The following LPAR1 variants were observed in gnomAD, a reference collection of about 807,000 sequenced individuals.
LPAR1 encodes the protein LPA receptor 1.
In LPAR1, 5 loss-of-function variants were observed where a neutral mutation model predicts 23.8. That is an observed-to-expected ratio of 0.21 (90% CI 0.11 to 0.44). The LOEUF (loss-of-function observed/expected upper bound fraction) is 0.44. Among genes scored for constraint, LPAR1 ranks in the 20% least tolerant of loss-of-function variants. The probability of loss-of-function intolerance (pLI) is 0.99; values close to 1 mark genes in which losing one functional copy is unlikely to be tolerated. For missense variants in LPAR1, 311 were observed against 482.8 expected (o/e 0.64, Z 3.33); for synonymous variants, 160 against 164.7 (o/e 0.97, Z 0.22).
intron 2 of LPAR1, among the ~76,000 whole-genome samples, chr9:110,973,919 T>C (rs2096490397): frequency 6.6e-6 from 1 of 152,198 alleles, no homozygotes. Flanking sequence ...GCCTGTAATC[T>C]CAAAACTTTG....
In LPAR1 at chr9:111,038,376, G is replaced by A. The variant is rs2097940304; in HGVS notation, c.-471C>T. ...GCGGCGGGGAGGGCTCCGCGGCTCC[G>A]GGCCCTGGCCGCCCCAGATCCGGCC... On this transcript the variant is annotated 5_prime_UTR_variant, in exon 1 of 6. Coordinates refer to ENST00000683809, the MANE Select transcript of LPAR1 (RefSeq NM_001351411.2). The surrounding 1 kb of genome is among the most constrained non-coding windows in gnomAD (Gnocchi z 4.4). 5.7e-6 allele frequency: 1 copy of A among 175,438 alleles called. No homozygotes were observed. Among genetic ancestry groups the A allele is most frequent in the Non-Finnish European group, 1.2e-5 (1 of 82,586 alleles). 10.9% of individuals were successfully genotyped at this position (175,438 alleles called of 1,614,324 possible).
intron 2 of LPAR1, among the ~76,000 whole-genome samples, chr9:111,011,218 G>A (rs927890206): frequency 7.9e-5 from 12 of 152,256 alleles, no homozygotes; most frequent in Non-Finnish European, 7.4e-5. Context: ...CCTCGAATTC[G>A]TGTAGAGTGT....
intron 2 of LPAR1, among the ~76,000 whole-genome samples, chr9:111,008,513 G>A (rs536352932): frequency 1.3e-5 from 2 of 152,160 alleles, no homozygotes; most frequent in Non-Finnish European, 1.5e-5. Context: ...CTTGAGTTTT[G>A]GCTTTTAAAA....
intron 2 of LPAR1, among the ~76,000 whole-genome samples, chr9:110,988,917 T>C (rs1249829971): frequency 6.6e-6 from 1 of 152,086 alleles, no homozygotes; most frequent in Non-Finnish European, 1.5e-5. Flanking sequence ...TAAAGTTAAA[T>C]ATGGTATTTT....
chr9:111,017,318 T>G (rs1009133594), intron 2 of LPAR1, among the ~76,000 whole-genome samples: 1 of 152,204 alleles, frequency 6.6e-6, no homozygotes, highest in Non-Finnish European at 1.5e-5. Flanking sequence ...AACATTGCAT[T>G]TATCACATGG....
At chr9:110,983,787 A>G (rs923116611) in intron 2 of LPAR1, among the ~76,000 whole-genome samples, 2 of 152,064 alleles carry the variant, frequency 1.3e-5, no homozygotes, top group African/African-American at 4.8e-5. Flanking sequence ...TGGGGAAAAT[A>G]AATCAAATCA....
intron 5 of LPAR1, among the ~76,000 whole-genome samples, chr9:110,931,778 A>T (rs1466971682): frequency 3.3e-5 from 5 of 152,132 alleles, no homozygotes; most frequent in African/African-American, 7.2e-5. Context: ...TTAAATAGGG[A>T]ATTGTTTCCC....
chr9:110,989,907 G>T (rs987822787), intron 2 of LPAR1, among the ~76,000 whole-genome samples: 1 of 151,814 alleles, frequency 6.6e-6, no homozygotes, highest in Non-Finnish European at 1.5e-5. Context: ...ATAAAAAAAC[G>T]AAATACCCAG....
chr9:110,995,313 TA>T (rs1007608739), intron 2 of LPAR1, among the ~76,000 whole-genome samples: 3 of 152,066 alleles, frequency 2.0e-5, no homozygotes, highest in East Asian at 1.9e-4. Flanking sequence ...GATAAAAGCT[TA>T]AAAAAAATCA....
intron 2 of LPAR1, among the ~76,000 whole-genome samples, chr9:111,021,199 G>A (rs970813151): frequency 6.6e-6 from 1 of 152,050 alleles, no homozygotes; most frequent in Non-Finnish European, 1.5e-5. Flanking sequence ...TAAGTTCTGG[G>A]GATCTAACGT....
chr9:110,886,208 A>C (rs1388061035), intron 5 of LPAR1, among the ~76,000 whole-genome samples: 1 of 151,334 alleles, frequency 6.6e-6, no homozygotes, highest in Non-Finnish European at 1.5e-5. Context: ...CAAAAAAAAA[A>C]AAAAATTTAG....
intron 5 of LPAR1, among the ~76,000 whole-genome samples, chr9:110,906,952 T>C (rs1324898882): frequency 7.1e-6 from 1 of 141,054 alleles, no homozygotes; most frequent in African/African-American, 2.5e-5. Context: ...GGATTCAGAT[T>C]AACATTTTAA....
intron 2 of LPAR1, among the ~76,000 whole-genome samples, chr9:110,998,224 C>A (rs1055387719): frequency 6.6e-6 from 1 of 152,142 alleles, no homozygotes; most frequent in Admixed American, 6.6e-5. Context: ...TAAAATAATA[C>A]ATAATTCAAG....
chr9:110,986,797 A>G (rs550766609), intron 2 of LPAR1, among the ~76,000 whole-genome samples: 1 of 152,186 alleles, frequency 6.6e-6, no homozygotes, highest in South Asian at 2.1e-4. Context: ...CTTAACAGAG[A>G]CATCTTCCAT....
intron 5 of LPAR1, among the ~76,000 whole-genome samples, chr9:110,898,966 T>C (rs1263160453): frequency 5.9e-5 from 9 of 152,224 alleles, no homozygotes; most frequent in African/African-American, 2.2e-4. Flanking sequence ...AAGTAACAGA[T>C]TTTGATAAAT....
rs146687341 is a variant in LPAR1 at position 110,970,962 on chromosome 9, C to T, written c.45+1111G>A. Among the ~76,000 whole-genome samples, 123 of 152,122 alleles carry T rather than the reference C, an allele frequency of 8.1e-4. 1 individual carries two copies. The South Asian group carries it at 0.018, about 22-fold the overall frequency. ...ACCAGCCTGACCAACATGGTGAAAC[C>T]CCATCTCTACTAAAATACAAAAATT... On this transcript the variant is annotated intron_variant, in intron 4 of 5. Coordinates refer to ENST00000683809, the MANE Select transcript of LPAR1 (RefSeq NM_001351411.2).
chr9:111,005,151 CAAA>C (rs71371700), intron 2 of LPAR1, among the ~76,000 whole-genome samples: 114 of 74,282 alleles, frequency 1.5e-3, no homozygotes, highest in African/African-American at 4.1e-3. Context: ...GACAAAGTCT[CAAA>C]AAAAAAAAAA....
At chr9:110,914,237 C>A (rs1253458346) in intron 5 of LPAR1, among the ~76,000 whole-genome samples, 1 of 152,142 alleles carries the variant, frequency 6.6e-6, no homozygotes, top group African/African-American at 2.4e-5. Context: ...TGTTTTCATA[C>A]TGCTAATAAA....
chr9:110,883,011 C>T (rs796153094), intron 5 of LPAR1, among the ~76,000 whole-genome samples: 25 of 152,122 alleles, frequency 1.6e-4, no homozygotes, highest in African/African-American at 5.8e-4. Flanking sequence ...TGTTTGGGGG[C>T]TACTGTAGAA....
Sources: allele counts gnomAD v4.1 joint callset (sites outside exome capture counted in the v4.1 genomes callset), GRCh38; gene constraint gnomAD v4.1.1; non-coding constraint Gnocchi (gnomAD v3.1); transcripts MANE v1.5; gene names NCBI Gene and HGNC (gene_info 2026-07-23, HGNC 2026-07-21).